The following JMJD1C variants were observed in gnomAD, a reference collection of about 807,000 sequenced individuals.
JMJD1C encodes jumonji domain containing 1C, also known as jumonji domain-containing protein 1C.
JMJD1C carries 31 observed loss-of-function variants against 245.3 expected under a neutral mutation model. That is an observed-to-expected ratio of 0.13 (90% CI 0.09 to 0.17). The LOEUF (loss-of-function observed/expected upper bound fraction) is 0.17. Among genes scored for constraint, JMJD1C ranks in the 10% least tolerant of loss-of-function variants. JMJD1C has a pLI of 1.00. For synonymous variants in JMJD1C, 1,057 were observed against 1,017.4 expected (o/e 1.04, Z -0.74); for missense variants, 2,691 against 3,000.2 (o/e 0.90, Z 2.41).
intron 14 of JMJD1C, 58 bp from the exon 15 acceptor site, chr10:63,193,530 ATTTT>A: frequency 1.6e-6 from 2 of 1,283,780 alleles, no homozygotes; most frequent in Non-Finnish European, 2.1e-6. Context: ...ATGCTGTAAA[ATTTT>A]TTTCTTACAA....
At chr10:63,483,222 A>G (rs1053187050) in intron 1 of JMJD1C, among the ~76,000 whole-genome samples, 4 of 152,246 alleles carry the variant, frequency 2.6e-5, no homozygotes, top group African/African-American at 9.6e-5. Flanking sequence ...GAATTTCAAG[A>G]GGATAAAACA....
At chr10:63,269,254 A>G (rs1185560386) in intron 2 of JMJD1C, 5 of 972,110 alleles carry the variant, frequency 5.1e-6, no homozygotes, top group Non-Finnish European at 6.1e-6. Flanking sequence ...GAGAGAAGGG[A>G]AGAGGCGGTG....
chr10:63,277,062 T>C (rs1006932890), intron 2 of JMJD1C, among the ~76,000 whole-genome samples: 1 of 151,516 alleles, frequency 6.6e-6, no homozygotes. Context: ...TTTGTATTTT[T>C]AGTAGAGACA....
chr10:63,208,363 G>A lies in JMJD1C; in HGVS notation c.3306C>T (p.Val1102=), dbSNP rs749401329. 8 of 1,613,406 alleles carry A rather than the reference G, an allele frequency of 5.0e-6. No individual in the cohort carries two copies. Among genetic ancestry groups the A allele is most frequent in the Non-Finnish European group, 3.4e-6 (4 of 1,179,432 alleles). Residue 1102 remains valine (V), a synonymous_variant, in exon 10 of 26, where the codon GTC becomes GTT. Transcript: ENST00000399262. ...ATGGGTATGATCTTGGTGGTTCATT[G>A]ACCACACTATTAGACAATGTAGTGA... ...NYFTTLSNSV[V]NEPPRSYPSK...
chr10:63,192,007 A>C lies in JMJD1C; in HGVS notation c.6077-899T>G, dbSNP rs1183370379. On this transcript the variant is annotated intron_variant, in intron 16 of 25. Coordinates refer to ENST00000399262, the MANE Select transcript of JMJD1C (RefSeq NM_032776.3). ...TCAAAAAAAAAAAAAAAAAAAAAAA[A>C]AACACAAAAAACAAAACAAAAAAGA... is the stretch of plus-strand genomic sequence containing the variant. 4.3e-4 allele frequency among the ~76,000 whole-genome samples: 61 copies of C among 141,646 alleles called. 1 individual carries two copies. The highest frequency in any genetic ancestry group is 1.5e-3 in the African/African-American group (60 of 39,912). The allele number at this position is 141,646 out of a possible 152,430, so 92.9% of individuals were successfully genotyped here. A position where few individuals can be genotyped will look rare whatever the true frequency, so the allele number is the denominator to read the frequency against.
intron 3 of JMJD1C, among the ~76,000 whole-genome samples, chr10:63,260,837 C>T (rs758171637): frequency 2.0e-5 from 3 of 152,078 alleles, no homozygotes; most frequent in African/African-American, 7.2e-5. Flanking sequence ...ATGATCCGCC[C>T]GCTTCGGCTT....
intron 1 of JMJD1C, among the ~76,000 whole-genome samples, chr10:63,506,385 T>C (rs1954717709): frequency 1.3e-5 from 2 of 152,186 alleles, no homozygotes; most frequent in Admixed American, 6.5e-5. Flanking sequence ...TTCCCTTTAA[T>C]ACACTCTTTG....
chr10:63,305,489 T>TCG (rs1589433005), intron 2 of JMJD1C, among the ~76,000 whole-genome samples: 1 of 145,096 alleles, frequency 6.9e-6, no homozygotes, highest in Non-Finnish European at 1.5e-5. Context: ...TCTCTCTCTC[T>TCG]CTCTCTGGAG....
In JMJD1C at chr10:63,207,931, T is replaced by C; in HGVS notation, c.3738A>G (p.Glu1246=). The C allele has an allele frequency of 6.2e-7, 1 of 1,614,202 alleles. No individual in the cohort carries two copies. Among genetic ancestry groups the C allele is most frequent in the Non-Finnish European group, 8.5e-7 (1 of 1,180,028 alleles). ...GTATTAGAGTTGGAGGCTTCTGTGA[T>C]TCTTGAACTTTACCACCAGCATTTA... is the stretch of plus-strand genomic sequence containing the variant. The part of the protein sequence containing the change: ...MPVNAGGKVQ[E]SQKPPTLIPE... The change falls in exon 10 of 26, where the codon GAA becomes GAG. Residue 1246 remains glutamate, a synonymous_variant. Transcript: ENST00000399262.
intron 3 of JMJD1C, among the ~76,000 whole-genome samples, chr10:63,229,429 A>T (rs1239449995): frequency 1.3e-5 from 2 of 152,120 alleles, no homozygotes; most frequent in Non-Finnish European, 2.9e-5. Flanking sequence ...AAAAACAAAC[A>T]AAAAAACAGA....
intron 1 of JMJD1C, among the ~76,000 whole-genome samples, chr10:63,477,046 G>A (rs1192274910): frequency 2.0e-5 from 3 of 152,114 alleles, no homozygotes; most frequent in Admixed American, 6.5e-5. Context: ...GACACAAACT[G>A]TAGACCTCTC....
In JMJD1C at chr10:63,206,771, T is replaced by C. The variant is rs752937702; in HGVS notation, c.4898A>G (p.Glu1633Gly). The C allele has an allele frequency of 6.2e-7, 1 of 1,610,054 alleles. No individual in the cohort carries two copies. The highest frequency in any genetic ancestry group is 1.3e-5 in the African/African-American group (1 of 74,586). Residue 1633 changes from glutamate to glycine, a missense_variant, in exon 10 of 26, where the codon GAA becomes GGA. By Grantham distance (98) the Glu-to-Gly change is moderately conservative (BLOSUM62 -2). Coordinates refer to ENST00000399262, the MANE Select transcript of JMJD1C (RefSeq NM_032776.3). ...CCTTTGCTCTGACTTGCTTTCACTT[T>C]CATCTGAGTCTCCACTTTCAGAGCC... Reference protein sequence around the residue: ...ESGSESGDSDESESKSEQRTK... With the variant: ...ESGSESGDSDGSESKSEQRTK...
intron 3 of JMJD1C, among the ~76,000 whole-genome samples, chr10:63,228,339 GTTT>G (rs1361850288): frequency 6.6e-6 from 1 of 151,940 alleles, no homozygotes; most frequent in Non-Finnish European, 1.5e-5. Flanking sequence ...TTCTTTTTGA[GTTT>G]TTTTCAACTG....
intron 1 of JMJD1C, among the ~76,000 whole-genome samples, chr10:63,455,416 T>C (rs1416301146): frequency 1.3e-5 from 2 of 152,220 alleles, no homozygotes; most frequent in African/African-American, 2.4e-5. Context: ...ACTTTAGTCA[T>C]ATTTATTATT....
Position 63,486,545 on chromosome 10 carries a change from C to T in JMJD1C, n.113+35193G>A, listed in dbSNP as rs149596551. Among the ~76,000 whole-genome samples, 173 of 151,868 alleles carry T rather than the reference C, an allele frequency of 1.1e-3. 1 individual carries two copies. The highest frequency in any genetic ancestry group is 2.5e-3 in the African/African-American group (105 of 41,384). The stretch of plus-strand genomic sequence containing the variant: ...ATTTATCTCTTCCTGTAACTTTAAT[C>T]CTTCCTCCTCTAATGGTACCTTACT... On this transcript the variant is annotated intron_variant and non_coding_transcript_variant, in intron 1 of 3. Coordinates refer to the JMJD1C transcript ENST00000633035.
intron 3 of JMJD1C, among the ~76,000 whole-genome samples, chr10:63,244,664 C>A (rs886853829): frequency 1.3e-5 from 2 of 152,048 alleles, no homozygotes; most frequent in Non-Finnish European, 2.9e-5. Flanking sequence ...CAAGATAACA[C>A]AGAAAAGCAA....
chr10:63,398,989 C>G (rs9415704), intron 1 of JMJD1C, among the ~76,000 whole-genome samples: 150,042 of 152,306 alleles, frequency 0.99, 73,944 homozygotes, highest in Middle Eastern at 1. Flanking sequence ...TCAAACCTTT[C>G]GCTTCTTGGA....
intron 3 of JMJD1C, among the ~76,000 whole-genome samples, chr10:63,256,926 C>T (rs1854017805): frequency 6.6e-6 from 1 of 152,012 alleles, no homozygotes; most frequent in Non-Finnish European, 1.5e-5. Context: ...AAAATATAAT[C>T]CAGAAACAGA....
chr10:63,482,352 T>C lies in JMJD1C; in HGVS notation n.113+39386A>G, dbSNP rs142039009. ...ATAATATTGTGGTTAAGACAGCAAATGAGCCAGGCATGGTGGCTGACACCT... is the reference window on the plus strand; with the variant it reads ...ATAATATTGTGGTTAAGACAGCAAACGAGCCAGGCATGGTGGCTGACACCT... On this transcript the variant is annotated intron_variant and non_coding_transcript_variant, in intron 1 of 3. Coordinates refer to the JMJD1C transcript ENST00000633035. Among the ~76,000 whole-genome samples the C allele has an allele frequency of 1.4e-3, 211 of 152,212 alleles. 1 individual carries two copies. The Middle Eastern group carries it at 0.034, about 25-fold the overall frequency.
Sources: allele counts gnomAD v4.1 joint callset (sites outside exome capture counted in the v4.1 genomes callset), GRCh38; gene constraint gnomAD v4.1.1; transcripts MANE v1.5; gene names NCBI Gene and HGNC (gene_info 2026-07-23, HGNC 2026-07-21).